The following ST18 variants were observed in gnomAD, a reference collection of about 807,000 sequenced individuals.
ST18 encodes the protein suppression of tumorigenicity 18 protein.
In ST18, 50 loss-of-function variants were observed where a neutral mutation model predicts 110.0. The observed-to-expected ratio is 0.45, with a 90% CI of 0.36 to 0.58. The LOEUF (loss-of-function observed/expected upper bound fraction) is 0.58. ST18 is among the 20% of genes least tolerant of loss of function. The probability of loss-of-function intolerance (pLI) is 0.00; values close to 1 mark genes in which losing one functional copy is unlikely to be tolerated. For missense variants in ST18, 1,306 were observed against 1,280.1 expected (o/e 1.02, Z -0.31); for synonymous variants, 461 against 452.4 (o/e 1.02, Z -0.24).
chr8:52,200,811 A>G (rs1015223100), intron 8 of ST18, among the ~76,000 whole-genome samples: 1 of 152,200 alleles, frequency 6.6e-6, no homozygotes, highest in African/African-American at 2.4e-5. Context: ...TGCCTCCAAG[A>G]CTTTTGAATG....
intron 2 of ST18, among the ~76,000 whole-genome samples, chr8:52,399,604 C>T (rs747082574): frequency 2.0e-5 from 3 of 151,554 alleles, no homozygotes; most frequent in Non-Finnish European, 2.9e-5. Flanking sequence ...ATTGTTGTTG[C>T]AGTTCATAGG....
At chr8:52,370,360 A>ATG (rs1491243856) in intron 2 of ST18, among the ~76,000 whole-genome samples, 1 of 149,820 alleles carries the variant, frequency 6.7e-6, no homozygotes, top group African/African-American at 2.5e-5. Flanking sequence ...ACATGTGTGC[A>ATG]TGTGTGTGTG....
chr8:52,126,447 T>C (rs2047105433), intron 22 of ST18, among the ~76,000 whole-genome samples: 1 of 152,244 alleles, frequency 6.6e-6, no homozygotes, highest in South Asian at 2.1e-4. Flanking sequence ...GTTCTTTTGT[T>C]TAGTAGTGGT....
At chr8:52,323,261 C>A (rs1284426362) in intron 2 of ST18, among the ~76,000 whole-genome samples, 1 of 152,188 alleles carries the variant, frequency 6.6e-6, no homozygotes, top group African/African-American at 2.4e-5. Context: ...CACAGATGTT[C>A]CATTTGATCT....
At chr8:52,327,007 G>C (rs1051483877) in intron 2 of ST18, among the ~76,000 whole-genome samples, 1 of 152,210 alleles carries the variant, frequency 6.6e-6, no homozygotes, top group Non-Finnish European at 1.5e-5. Flanking sequence ...TGCCACCGGA[G>C]AGGGAGCCCC....
intron 2 of ST18, among the ~76,000 whole-genome samples, chr8:52,245,096 T>G (rs1357881283): frequency 6.6e-6 from 1 of 152,170 alleles, no homozygotes; most frequent in Non-Finnish European, 1.5e-5. Flanking sequence ...TTAAGACTAA[T>G]TCTCCACCAT....
intron 23 of ST18, among the ~76,000 whole-genome samples, chr8:52,124,618 G>T (rs2046259099): frequency 6.6e-6 from 1 of 152,124 alleles, no homozygotes; most frequent in Non-Finnish European, 1.5e-5. Flanking sequence ...AGGTATTTAG[G>T]GAATGGGCAG....
At position 52,220,848 on chromosome 8, in the gene ST18, T is replaced by G. The variant is rs1391169361; in HGVS notation, c.-264A>C. 6.6e-6 allele frequency: 1 copy of G among 152,194 alleles called. No homozygotes were observed. The highest frequency in any genetic ancestry group is 6.6e-5 in the Admixed American group (1 of 15,266). 9.4% of individuals were successfully genotyped at this position (152,194 alleles called of 1,614,324 possible). ...TTTAGTGATAAATCCTGAAATTCAT[T>G]CTATTGAGATAAGAAATCAAACAAG... is the stretch of plus-strand genomic sequence containing the variant. On this transcript the variant is annotated splice_region_variant and 5_prime_UTR_variant, in exon 5 of 26. Transcript: ENST00000689386.
intron 19 of ST18, among the ~76,000 whole-genome samples, chr8:52,134,227 A>T (rs937142208): frequency 6.6e-6 from 1 of 152,196 alleles, no homozygotes; most frequent in African/African-American, 2.4e-5. Flanking sequence ...TTTGGGGGAA[A>T]ATCCATCAAT....
At chr8:52,183,125 GA>G (rs2070540147) in intron 8 of ST18, among the ~76,000 whole-genome samples, 2 of 152,202 alleles carry the variant, frequency 1.3e-5, no homozygotes, top group South Asian at 4.1e-4. Flanking sequence ...TAAGGACATA[GA>G]TGTGGGTGAT....
chr8:52,336,806 A>AT (rs948969805), intron 2 of ST18, among the ~76,000 whole-genome samples: 4 of 152,178 alleles, frequency 2.6e-5, no homozygotes, highest in African/African-American at 7.2e-5. Flanking sequence ...TAATCAATTA[A>AT]TTTTTTTAAA....
intron 8 of ST18, among the ~76,000 whole-genome samples, chr8:52,184,776 A>T (rs1472176221): frequency 1.3e-5 from 2 of 152,180 alleles, no homozygotes; most frequent in Admixed American, 1.3e-4. Flanking sequence ...ACACATCCCC[A>T]AAAGAATAAA....
intron 8 of ST18, among the ~76,000 whole-genome samples, chr8:52,193,352 T>C (rs771030800): frequency 6.6e-6 from 1 of 152,190 alleles, no homozygotes; most frequent in African/African-American, 2.4e-5. Context: ...GGGCGTTAGC[T>C]GAATTCACTT....
intron 2 of ST18, among the ~76,000 whole-genome samples, chr8:52,326,149 A>G (rs1806293805): frequency 6.6e-6 from 1 of 152,204 alleles, no homozygotes; most frequent in Non-Finnish European, 1.5e-5. Flanking sequence ...AGCTGCTTAT[A>G]TTTCTAACAG....
At chr8:52,167,714 C>A (rs747971710) in intron 10 of ST18, among the ~76,000 whole-genome samples, 4 of 152,170 alleles carry the variant, frequency 2.6e-5, no homozygotes, top group Non-Finnish European at 5.9e-5. Flanking sequence ...TTGCAGGAGA[C>A]TTCCAGAAAA....
At chr8:52,136,533 A>G in intron 19 of ST18, 57 bp downstream of exon 19, 3 of 1,530,080 alleles carry the variant, frequency 2.0e-6, no homozygotes, top group Non-Finnish European at 2.7e-6. Context: ...TGGGCACTGA[A>G]CGAGAGGGTC....
intron 2 of ST18, among the ~76,000 whole-genome samples, chr8:52,378,752 T>C (rs1833366400): frequency 6.6e-6 from 1 of 152,232 alleles, no homozygotes; most frequent in South Asian, 2.1e-4. Flanking sequence ...CTTTTAGAGA[T>C]AATAAAGACT....
intron 17 of ST18, among the ~76,000 whole-genome samples, chr8:52,139,077 T>C (rs2053714844): frequency 6.6e-6 from 1 of 151,640 alleles, no homozygotes. Context: ...CCCCATCCCT[T>C]TTCCTGGATA....
At chr8:52,130,128 AAAG>A (rs1340909610) in intron 22 of ST18, among the ~76,000 whole-genome samples, 1 of 132,420 alleles carries the variant, frequency 7.6e-6, no homozygotes, top group African/African-American at 3.0e-5. Context: ...GAAAAGAAAG[AAAG>A]AAAGAAAGAA....
Sources: gnomAD v4.1 joint callset for allele counts (sites outside exome capture counted in the v4.1 genomes callset) on GRCh38, gnomAD v4.1.1 for gene constraint, MANE v1.5 for transcripts, NCBI Gene and HGNC (gene_info 2026-07-23, HGNC 2026-07-21) for gene names.